MYO5A: variants seen among roughly 807,000 people sequenced by gnomAD.
MYO5A encodes the protein myosin VA.
In MYO5A, 98 loss-of-function variants were observed where a neutral mutation model predicts 249.7. The observed-to-expected ratio is 0.39, with a 90% CI of 0.33 to 0.46. The LOEUF is 0.46. Ranked by LOEUF, MYO5A falls within the 20% of genes least tolerant of loss-of-function variation. MYO5A has a pLI of 0.98. For missense variants in MYO5A, 1,696 were observed against 2,308.8 expected (o/e 0.73, Z 5.44); for synonymous variants, 778 against 810.6 (o/e 0.96, Z 0.68).
intron 1 of MYO5A, among the ~76,000 whole-genome samples, chr15:52,503,613 A>C (rs1411772791): frequency 6.6e-6 from 1 of 152,172 alleles, no homozygotes; most frequent in African/African-American, 2.4e-5. Flanking sequence ...CCTGGGTGAC[A>C]GAGCAAGACC....
chr15:52,390,539 TCTCC>T (rs1246033770), intron 12 of MYO5A, among the ~76,000 whole-genome samples: 7 of 151,354 alleles, frequency 4.6e-5, no homozygotes, highest in Non-Finnish European at 8.8e-5. Context: ...CTTAATTATT[TCTCC>T]CTCTCTTTTT....
At chr15:52,443,756 G>A (rs1467790862) in intron 1 of MYO5A, among the ~76,000 whole-genome samples, 4 of 151,596 alleles carry the variant, frequency 2.6e-5, no homozygotes, top group Non-Finnish European at 4.4e-5. Flanking sequence ...CGAGGCGGGT[G>A]GATTGTCTGA....
At chr15:52,314,850 T>C (rs1486666936) in intron 40 of MYO5A, among the ~76,000 whole-genome samples, 6 of 152,244 alleles carry the variant, frequency 3.9e-5, no homozygotes, top group Non-Finnish European at 5.9e-5. Context: ...ATAAGGTAGA[T>C]ATTTCCATTT....
At chr15:52,519,022 G>A (rs1048119363) in intron 1 of MYO5A, among the ~76,000 whole-genome samples, 9 of 152,094 alleles carry the variant, frequency 5.9e-5, no homozygotes, top group African/African-American at 2.2e-4. Flanking sequence ...TAAGGGGTGG[G>A]TAGATAAAAT....
intron 13 of MYO5A, among the ~76,000 whole-genome samples, chr15:52,388,819 T>C (rs1483686016): frequency 1.3e-5 from 2 of 152,190 alleles, no homozygotes; most frequent in Admixed American, 6.5e-5. Context: ...AGATGTAGTA[T>C]GTACATACAC....
At chr15:52,481,403 CT>C (rs2076712213) in intron 1 of MYO5A, among the ~76,000 whole-genome samples, 2 of 152,190 alleles carry the variant, frequency 1.3e-5, no homozygotes, top group Admixed American at 1.3e-4. Flanking sequence ...ATTTCATACA[CT>C]GTTCTAAGAA....
intron 1 of MYO5A, among the ~76,000 whole-genome samples, chr15:52,452,730 C>G (rs976601788): frequency 1.3e-5 from 2 of 152,060 alleles, no homozygotes; most frequent in African/African-American, 4.8e-5. Context: ...CTCCTGTAAT[C>G]CCAGCTACTC....
At chr15:52,415,683 T>C (rs1180173494) in intron 5 of MYO5A, among the ~76,000 whole-genome samples, 3 of 152,198 alleles carry the variant, frequency 2.0e-5, no homozygotes, top group Non-Finnish European at 2.9e-5. Flanking sequence ...TCGGACTAAG[T>C]ACAGAAAATG....
At chr15:52,365,315 C>T (rs72734991) in intron 23 of MYO5A, among the ~76,000 whole-genome samples, 9,382 of 152,256 alleles carry the variant, frequency 0.062, 397 homozygotes, top group Non-Finnish European at 0.089. Flanking sequence ...CATCCCCACG[C>T]GCTGCTGAGG....
intron 1 of MYO5A, among the ~76,000 whole-genome samples, chr15:52,441,217 T>C (rs2075778553): frequency 6.6e-6 from 1 of 152,132 alleles, no homozygotes; most frequent in Non-Finnish European, 1.5e-5. Context: ...AAACAAAAAT[T>C]ATTAAAGAAA....
chr15:52,380,114 A>G (rs895936316), intron 16 of MYO5A, among the ~76,000 whole-genome samples: 2 of 152,226 alleles, frequency 1.3e-5, no homozygotes, highest in African/African-American at 2.4e-5. Context: ...AAAGAGCTGT[A>G]AACATTACCT....
intron 29 of MYO5A, chr15:52,346,740 T>C (rs1567039777): frequency 4.1e-6 from 2 of 488,330 alleles, no homozygotes; most frequent in Non-Finnish European, 3.9e-6. Context: ...AAATCACTGA[T>C]GGGCCATATA....
At chr15:52,516,288 G>C (rs564736999) in intron 1 of MYO5A, among the ~76,000 whole-genome samples, 1 of 152,258 alleles carries the variant, frequency 6.6e-6, no homozygotes, top group East Asian at 1.9e-4. Context: ...AAAGCCCTCA[G>C]AATAGTATCT....
chr15:52,515,804 A>G (rs745655584), intron 1 of MYO5A, among the ~76,000 whole-genome samples: 1 of 152,072 alleles, frequency 6.6e-6, no homozygotes, highest in Non-Finnish European at 1.5e-5. Context: ...CTGGCACCTG[A>G]CTCTTCAGGA....
At chr15:52,334,704 G>A (rs143255063) in intron 34 of MYO5A, among the ~76,000 whole-genome samples, 11 of 152,348 alleles carry the variant, frequency 7.2e-5, no homozygotes, top group Non-Finnish European at 1.3e-4. Context: ...AGATAGGTCA[G>A]ACACTATGCT....
At chr15:52,460,679 G>A (rs992083986) in intron 1 of MYO5A, among the ~76,000 whole-genome samples, 1 of 152,036 alleles carries the variant, frequency 6.6e-6, no homozygotes, top group African/African-American at 2.4e-5. Flanking sequence ...GCGAGGGCGA[G>A]GCTCCAGAAA....
chr15:52,505,930 T>C (rs1469769097), intron 1 of MYO5A: 3 of 1,424,288 alleles, frequency 2.1e-6, no homozygotes, highest in Non-Finnish European at 2.8e-6. Flanking sequence ...TTTCAGACTC[T>C]TGGCTGGGCG....
intron 1 of MYO5A, among the ~76,000 whole-genome samples, chr15:52,514,282 A>G (rs762189902): frequency 1.8e-4 from 28 of 152,228 alleles, no homozygotes; most frequent in Non-Finnish European, 2.8e-4. Flanking sequence ...TGTATGGTAT[A>G]TGAATTACAG....
chr15:52,516,436 T>C (rs2077497245), intron 1 of MYO5A, among the ~76,000 whole-genome samples: 1 of 152,108 alleles, frequency 6.6e-6, no homozygotes, highest in Non-Finnish European at 1.5e-5. Flanking sequence ...AATCAAGGTT[T>C]TAGTGGAGGA....
Sources: gnomAD v4.1 joint callset for allele counts (sites outside exome capture counted in the v4.1 genomes callset) on GRCh38, gnomAD v4.1.1 for gene constraint, MANE v1.5 for transcripts, NCBI Gene and HGNC (gene_info 2026-07-23, HGNC 2026-07-21) for gene names.